HELLS: variants seen among roughly 807,000 people sequenced by gnomAD.
The protein encoded by HELLS is lymphoid-specific helicase.
A neutral mutation model predicts 120.0 loss-of-function variants in HELLS; 32 were observed. That is an observed-to-expected ratio of 0.27 (90% confidence interval 0.20 to 0.36). HELLS has a LOEUF of 0.36. Ranked by LOEUF, HELLS falls within the 10% of genes least tolerant of loss-of-function variation. HELLS has a pLI of 1.00. For missense variants in HELLS, 650 were observed against 993.4 expected (o/e 0.65, Z 4.65); for synonymous variants, 341 against 323.4 (o/e 1.05, Z -0.58).
chr10:94,609,493 TA>T (rs778917653), intron 9 of HELLS, among the ~76,000 whole-genome samples: 2 of 152,208 alleles, frequency 1.3e-5, no homozygotes, highest in African/African-American at 2.4e-5. Context: ...TGGGGAATGT[TA>T]ATAAGATGAT....
chr10:94,545,807 T>C lies in HELLS; in HGVS notation c.-115T>C. On this transcript the variant is annotated 5_prime_UTR_variant, in exon 1 of 22. Coordinates refer to ENST00000348459, the MANE Select transcript of HELLS (RefSeq NM_018063.5). ...TCCCGCGAAGGAGAAGCGCGCTTTTTTCCCTGGCGGGGGATTTGGCTAGAA... is the reference window on the plus strand; with the variant it reads ...TCCCGCGAAGGAGAAGCGCGCTTTTCTCCCTGGCGGGGGATTTGGCTAGAA... The C allele has an allele frequency of 4.0e-6, 5 of 1,247,956 alleles. No individual in the cohort carries two copies. Among genetic ancestry groups the C allele is most frequent in the Non-Finnish European group, 5.7e-6 (5 of 869,972 alleles). The allele number at this position is 1,247,956 out of a possible 1,614,324, so 77.3% of individuals were successfully genotyped here.
chr10:94,563,915 A>G (rs1021594433), intron 6 of HELLS, among the ~76,000 whole-genome samples: 6 of 151,492 alleles, frequency 4.0e-5, no homozygotes, highest in Admixed American at 3.9e-4. Context: ...GGTTCAAGCA[A>G]TTCTCCTGCC....
At chr10:94,583,942 CTG>C (rs1564606263) in intron 12 of HELLS, 1 of 487,156 alleles carries the variant, frequency 2.1e-6, no homozygotes, top group Non-Finnish European at 3.7e-6. Context: ...GTTGTAGTAT[CTG>C]TATTTAAAAC....
At chr10:94,587,142 T>C (rs1845205482) in intron 12 of HELLS, among the ~76,000 whole-genome samples, 1 of 152,300 alleles carries the variant, frequency 6.6e-6, no homozygotes, top group African/African-American at 2.4e-5. Flanking sequence ...GAGAATAATT[T>C]TAAGCCTGAA....
chr10:94,586,630 C>T (rs1362042411), intron 12 of HELLS, among the ~76,000 whole-genome samples: 2 of 151,980 alleles, frequency 1.3e-5, no homozygotes, highest in East Asian at 3.9e-4. Context: ...ATATGTAAAC[C>T]ATTGTCAGTA....
At chr10:94,574,922 C>T (rs148780585) in intron 9 of HELLS, among the ~76,000 whole-genome samples, 186 bp downstream of exon 9, 4 of 152,084 alleles carry the variant, frequency 2.6e-5, no homozygotes, top group Non-Finnish European at 5.9e-5. Flanking sequence ...TTTTGGAAAT[C>T]CCTGACATCT....
chr10:94,578,960 A>G (rs1844665037), intron 10 of HELLS, among the ~76,000 whole-genome samples: 1 of 152,044 alleles, frequency 6.6e-6, no homozygotes, highest in Non-Finnish European at 1.5e-5. Flanking sequence ...ATACAGATGA[A>G]GCTTCCCTTT....
chr10:94,593,258 T>C (rs1845579958), intron 17 of HELLS, among the ~76,000 whole-genome samples: 2 of 152,246 alleles, frequency 1.3e-5, no homozygotes, highest in Admixed American at 6.5e-5. Context: ...TTAGCTTTTC[T>C]TATTTAAACA....
Position 94,575,064 on chromosome 10 carries a change from T to C in HELLS, c.888+328T>C, listed in dbSNP as rs74466402. Among the ~76,000 whole-genome samples, 10 of 151,752 alleles carry C rather than the reference T, an allele frequency of 6.6e-5. No individual in the cohort carries two copies. The East Asian group carries it at 1.9e-3, about 29-fold the overall frequency. On this transcript the variant is annotated intron_variant, in intron 9 of 21. Transcript: ENST00000348459. ...CTTTGCCAAAAGGCTAAGAAGAGAG[T>C]TTTCTGTTTTTTCTGTACTTGTTAC... is the stretch of plus-strand genomic sequence containing the variant.
At chr10:94,568,560 T>C (rs1330235261) in intron 6 of HELLS, among the ~76,000 whole-genome samples, 1 of 152,168 alleles carries the variant, frequency 6.6e-6, no homozygotes, top group Non-Finnish European at 1.5e-5. Flanking sequence ...AATTGATTTT[T>C]ATAATCCTAG....
intron 6 of HELLS, among the ~76,000 whole-genome samples, chr10:94,566,460 T>G (rs1382189057): frequency 3.3e-5 from 5 of 152,096 alleles, no homozygotes; most frequent in Non-Finnish European, 7.4e-5. Flanking sequence ...GCCTCCAATT[T>G]GTATATAAGT....
chr10:94,566,883 G>C (rs531733369), intron 6 of HELLS, among the ~76,000 whole-genome samples: 1 of 152,128 alleles, frequency 6.6e-6, no homozygotes, highest in Admixed American at 6.5e-5. Flanking sequence ...TCAAACTCCT[G>C]ACCCGAAGTG....
intron 15 of HELLS, 31 bp from the exon 16 acceptor site, chr10:94,592,198 T>A (rs1845521306): frequency 2.7e-6 from 4 of 1,480,312 alleles, no homozygotes. Context: ...CAGTTTTCTC[T>A]CTATTTTTTC....
chr10:94,588,433 T>C (rs372835848), intron 13 of HELLS, 43 bp downstream of exon 13: 9 of 1,425,362 alleles, frequency 6.3e-6, no homozygotes, highest in African/African-American at 1.5e-5. Context: ...ACTTGACATA[T>C]AAAATTTCTC....
At chr10:94,601,084 T>C (rs1357131736) in intron 21 of HELLS, among the ~76,000 whole-genome samples, 3 of 152,178 alleles carry the variant, frequency 2.0e-5, no homozygotes, top group African/African-American at 7.2e-5. Flanking sequence ...TTGATAAAAA[T>C]TTAGGAGACT....
chr10:94,572,404 C>T (rs952138671), intron 7 of HELLS, among the ~76,000 whole-genome samples: 1 of 152,130 alleles, frequency 6.6e-6, no homozygotes, highest in African/African-American at 2.4e-5. Flanking sequence ...GTCTTTCCAC[C>T]CCCAAACCCA....
chr10:94,610,896 C>T (rs557007041), exon 10 of HELLS: 1 of 152,290 alleles, frequency 6.6e-6, no homozygotes, highest in South Asian at 2.1e-4. Context: ...TGGCCGATAA[C>T]AGATGTTTTA....
chr10:94,602,924 C>T (rs186591423), downstream of HELLS, among the ~76,000 whole-genome samples: 235 of 152,278 alleles, frequency 1.5e-3, 1 homozygote, highest in Non-Finnish European at 2.7e-3. Context: ...TTTCCTGTTA[C>T]ATTGTCCTAA....
At chr10:94,564,841 C>T (rs998943988) in intron 6 of HELLS, among the ~76,000 whole-genome samples, 13 of 152,016 alleles carry the variant, frequency 8.6e-5, no homozygotes, top group East Asian at 5.8e-4. Flanking sequence ...GTGATCCTCA[C>T]GCCTTTATCT....
Sources: allele counts gnomAD v4.1 joint callset (sites outside exome capture counted in the v4.1 genomes callset), GRCh38; gene constraint gnomAD v4.1.1; transcripts MANE v1.5; gene names NCBI Gene and HGNC (gene_info 2026-07-23, HGNC 2026-07-21).